The following NUP58 variants were observed in gnomAD, a reference collection of about 807,000 sequenced individuals.
NUP58 encodes nucleoporin 58.
In NUP58, 17 loss-of-function variants were observed where a neutral mutation model predicts 70.1. The observed-to-expected ratio is 0.24, with a 90% CI of 0.17 to 0.36. The LOEUF (loss-of-function observed/expected upper bound fraction) is 0.36. Among genes scored for constraint, NUP58 ranks in the 10% least tolerant of loss-of-function variants. The probability of loss-of-function intolerance (pLI) is 1.00; values close to 1 mark genes in which losing one functional copy is unlikely to be tolerated. For synonymous variants in NUP58, 275 were observed against 257.6 expected (o/e 1.07, Z -0.65); for missense variants, 644 against 701.5 (o/e 0.92, Z 0.93).
At chr13:25,307,678 A>G (rs192112395) in intron 1 of NUP58, 128 bp from the exon 2 acceptor site, 4 of 839,258 alleles carry the variant, frequency 4.8e-6, no homozygotes, top group African/African-American at 3.4e-5. Flanking sequence ...ATGACAATGT[A>G]TTAGATATGT....
At position 25,340,232 on chromosome 13, in the gene NUP58, T is replaced by TTA; in HGVS notation, c.*101_*102dup. On this transcript the variant is annotated 3_prime_UTR_variant, in exon 16 of 16. Transcript: ENST00000381736. ...GTAATTAAATTGCATCCCAGGAGAT[T>TTA]TATAAAGTTTTGATATTTTTCCCTA... 1.7e-6 allele frequency: 2 copies of TTA among 1,159,060 alleles called. No individual in the cohort carries two copies. The highest frequency in any genetic ancestry group is 2.3e-6 in the Non-Finnish European group (2 of 867,564). 71.8% of individuals were successfully genotyped at this position (1,159,060 alleles called of 1,614,324 possible). A position where few individuals can be genotyped will look rare whatever the true frequency, so the allele number is the denominator to read the frequency against.
At chr13:25,333,800 A>G (rs753033714) in intron 13 of NUP58, 86 of 985,300 alleles carry the variant, frequency 8.7e-5, no homozygotes, top group Non-Finnish European at 1.0e-4. Flanking sequence ...CCAGTAACAA[A>G]TTTTAGACCA....
chr13:25,345,654 C>CA (rs141702998), downstream of NUP58, among the ~76,000 whole-genome samples: 1 of 151,998 alleles, frequency 6.6e-6, no homozygotes, highest in Non-Finnish European at 1.5e-5. Context: ...TAGGAACTGT[C>CA]AAAGAGAAGT....
chr13:25,335,728 A>G (rs1385777853), intron 13 of NUP58: 1 of 983,254 alleles, frequency 1.0e-6, no homozygotes, highest in Admixed American at 6.2e-5. Context: ...AATGCTTTAT[A>G]ATTTTACACT....
intron 13 of NUP58, 51 bp downstream of exon 13, chr13:25,331,609 T>C (rs1463621851): frequency 3.2e-6 from 5 of 1,571,418 alleles, no homozygotes; most frequent in Non-Finnish European, 4.3e-6. Flanking sequence ...GCAGAACATT[T>C]ATGTGCGTTT....
chr13:25,309,978 A>G, intron 3 of NUP58: 1 of 395,348 alleles, frequency 2.5e-6, no homozygotes, highest in Non-Finnish European at 5.1e-6. Flanking sequence ...ACATCTGTTT[A>G]TCAGCAAAGT....
At chr13:25,317,119 G>C (rs2030967693) in intron 6 of NUP58, among the ~76,000 whole-genome samples, 1 of 152,092 alleles carries the variant, frequency 6.6e-6, no homozygotes, top group South Asian at 2.1e-4. Context: ...GATTTAACCA[G>C]ATAGAGAGTA....
intron 15 of NUP58, among the ~76,000 whole-genome samples, chr13:25,339,618 C>G (rs1382088843): frequency 1.3e-5 from 2 of 152,146 alleles, no homozygotes; most frequent in Non-Finnish European, 2.9e-5. Context: ...TGTCTCTCTT[C>G]TACATGTTGA....
intron 12 of NUP58, among the ~76,000 whole-genome samples, chr13:25,329,372 A>T (rs1325831216): frequency 1.3e-5 from 2 of 151,766 alleles, no homozygotes; most frequent in Non-Finnish European, 2.9e-5. Context: ...GTAAACGTAC[A>T]TTTTTTTTAG....
chr13:25,333,953 T>A (rs912441259), intron 13 of NUP58: 7 of 985,434 alleles, frequency 7.1e-6, no homozygotes, highest in Non-Finnish European at 7.2e-6. Flanking sequence ...AGCAAATAGC[T>A]TCTTAGACTG....
At chr13:25,312,431 G>A (rs560486274) in intron 3 of NUP58, among the ~76,000 whole-genome samples, 7 of 152,182 alleles carry the variant, frequency 4.6e-5, no homozygotes, top group South Asian at 2.1e-4. Flanking sequence ...GCAGTGGCAC[G>A]ATTTCAGCTC....
chr13:25,311,564 G>A (rs1198702718), intron 3 of NUP58, among the ~76,000 whole-genome samples: 1 of 151,840 alleles, frequency 6.6e-6, no homozygotes, highest in Non-Finnish European at 1.5e-5. Flanking sequence ...TAGTAGAAAC[G>A]GGGTTTCACC....
At chr13:25,313,362 G>A (rs1378571144) in intron 4 of NUP58, among the ~76,000 whole-genome samples, 1 of 152,210 alleles carries the variant, frequency 6.6e-6, no homozygotes, top group African/African-American at 2.4e-5. Flanking sequence ...CTGGGTTGAA[G>A]ACAATATTGC....
intron 6 of NUP58, among the ~76,000 whole-genome samples, chr13:25,316,502 G>A (rs2030937772): frequency 6.6e-6 from 1 of 151,970 alleles, no homozygotes; most frequent in African/African-American, 2.4e-5. Context: ...CTATTCTAGG[G>A]TGAATTACTA....
chr13:25,313,806 T>C, intron 5 of NUP58, 55 bp downstream of exon 5: 1 of 1,366,966 alleles, frequency 7.3e-7, no homozygotes, highest in Non-Finnish European at 9.7e-7. Context: ...TAAATGTACT[T>C]ATTTTTATTT....
chr13:25,345,203 A>G (rs570862528), downstream of NUP58, among the ~76,000 whole-genome samples: 1 of 151,382 alleles, frequency 6.6e-6, no homozygotes, highest in Admixed American at 6.6e-5. Context: ...TAAGCAACTT[A>G]CTTGAGGTCG....
intron 3 of NUP58, among the ~76,000 whole-genome samples, chr13:25,310,206 ATTTTTTTT>A (rs796547133): frequency 4.2e-5 from 2 of 47,484 alleles, no homozygotes; most frequent in South Asian, 9.8e-4. Context: ...CCCTTGGCTA[ATTTTTTTT>A]TTTTTTTTTT....
At chr13:25,316,971 C>T (rs1775026163) in intron 6 of NUP58, among the ~76,000 whole-genome samples, 1 of 152,142 alleles carries the variant, frequency 6.6e-6, no homozygotes, top group African/African-American at 2.4e-5. Context: ...TGTGTTTCTA[C>T]TATGGATCTC....
Position 25,331,350 on chromosome 13 carries a change from C to A in NUP58, c.1234-7C>A, listed in dbSNP as rs768882584. On this transcript the variant is annotated splice_polypyrimidine_tract_variant and splice_region_variant and intron_variant, in intron 12 of 15. Coordinates refer to ENST00000381736, the MANE Select transcript of NUP58 (RefSeq NM_014089.4). ...TCATTTAGCCGTTTTGTTTATTATT[C>A]TTTTAGGTTCTGAAAGAACAGTACC... The A allele has an allele frequency of 9.3e-6, 15 of 1,609,506 alleles. No individual in the cohort carries two copies. The highest frequency in any genetic ancestry group is 1.7e-4 in the Middle Eastern group (1 of 6,030).
Sources: allele counts gnomAD v4.1 joint callset (sites outside exome capture counted in the v4.1 genomes callset), GRCh38; gene constraint gnomAD v4.1.1; transcripts MANE v1.5; gene names NCBI Gene and HGNC (gene_info 2026-07-23, HGNC 2026-07-21).